The following CNTN5 variants were observed in gnomAD, a reference collection of about 807,000 sequenced individuals.
CNTN5 encodes contactin-5.
In CNTN5, 77 loss-of-function variants were observed where a neutral mutation model predicts 129.1. The observed-to-expected ratio is 0.60, with a 90% confidence interval of 0.50 to 0.72. The LOEUF (loss-of-function observed/expected upper bound fraction) is 0.72, where lower values mean the gene tolerates loss of function less well. CNTN5 is among the 30% of genes least tolerant of loss of function. The pLI, the probability that CNTN5 is intolerant of heterozygous loss-of-function variation, is 0.00. For missense variants in CNTN5, 1,478 were observed against 1,328.8 expected (o/e 1.11, Z -1.75); for synonymous variants, 509 against 465.6 (o/e 1.09, Z -1.20).
chr11:99,625,902 A>T lies in CNTN5; in HGVS notation c.55+69633A>T, dbSNP rs974034250. On this transcript the variant is annotated intron_variant, in intron 3 of 24. Transcript: ENST00000524871. ...ATGAGCTCATGATAAGGGCAAGATT[A>T]TATATATATATATATATATATACAC... Among the ~76,000 whole-genome samples, 547 of 142,948 alleles carry T rather than the reference A, an allele frequency of 3.8e-3. 2 individuals are homozygous for T. The highest frequency in any genetic ancestry group is 0.013 in the African/African-American group (500 of 37,798). 93.8% of individuals were successfully genotyped at this position (142,948 alleles called of 152,430 possible). A position where few individuals can be genotyped will look rare whatever the true frequency, so the allele number is the denominator to read the frequency against.
At chr11:99,814,496 T>C (rs1346341633) in intron 3 of CNTN5, among the ~76,000 whole-genome samples, 1 of 152,190 alleles carries the variant, frequency 6.6e-6, no homozygotes, top group Non-Finnish European at 1.5e-5. Context: ...CATTGAGTTC[T>C]TTCAGCATGA....
intron 21 of CNTN5, among the ~76,000 whole-genome samples, chr11:100,333,862 A>G (rs1024226591): frequency 6.6e-6 from 1 of 152,200 alleles, no homozygotes; most frequent in African/African-American, 2.4e-5. Flanking sequence ...ACCCTTCTAG[A>G]CATCAGCTTA....
chr11:99,537,795 C>T (rs986258535), intron 2 of CNTN5, among the ~76,000 whole-genome samples: 4 of 152,102 alleles, frequency 2.6e-5, no homozygotes, highest in Non-Finnish European at 2.9e-5. Flanking sequence ...CCCGTGGACA[C>T]GATGCTGCAG....
At chr11:99,335,112 A>T (rs1057390846) in intron 2 of CNTN5, among the ~76,000 whole-genome samples, 3 of 152,172 alleles carry the variant, frequency 2.0e-5, no homozygotes, top group African/African-American at 7.2e-5. Context: ...GCAATAGCAA[A>T]TATTCAGCAT....
intron 8 of CNTN5, among the ~76,000 whole-genome samples, chr11:99,985,762 C>T (rs2137383973): frequency 6.6e-6 from 1 of 152,172 alleles, no homozygotes; most frequent in Non-Finnish European, 1.5e-5. Context: ...TGTAATCATC[C>T]GTCTTTTAAT....
At chr11:100,031,783 G>A (rs57675206) in intron 9 of CNTN5, among the ~76,000 whole-genome samples, 2,040 of 152,262 alleles carry the variant, frequency 0.013, 61 homozygotes, top group African/African-American at 0.047. Context: ...TCTACATACA[G>A]GTGTTATGTG....
At chr11:100,174,357 T>C (rs1422143643) in intron 13 of CNTN5, among the ~76,000 whole-genome samples, 2 of 152,154 alleles carry the variant, frequency 1.3e-5, no homozygotes, top group African/African-American at 4.8e-5. Flanking sequence ...TTTCCTTCTC[T>C]GGGCATAGTA....
At chr11:99,055,703 A>T (rs1171088534) in intron 1 of CNTN5, among the ~76,000 whole-genome samples, 4 of 151,932 alleles carry the variant, frequency 2.6e-5, no homozygotes, top group Admixed American at 6.6e-5. Context: ...ATCATTTTAT[A>T]AAAAAAGTAC....
intron 1 of CNTN5, among the ~76,000 whole-genome samples, chr11:99,244,184 G>A (rs945897767): frequency 2.0e-5 from 3 of 151,882 alleles, no homozygotes; most frequent in Non-Finnish European, 4.4e-5. Context: ...CTTTCACCTT[G>A]GATAGATATA....
intron 2 of CNTN5, among the ~76,000 whole-genome samples, chr11:99,436,589 C>A (rs1234319984): frequency 1.3e-5 from 2 of 152,170 alleles, no homozygotes; most frequent in South Asian, 2.1e-4. Flanking sequence ...CAGACATCAT[C>A]TTGTTAGATT....
intron 3 of CNTN5, among the ~76,000 whole-genome samples, chr11:99,668,344 A>T (rs1952885607): frequency 6.6e-6 from 1 of 152,130 alleles, no homozygotes; most frequent in Non-Finnish European, 1.5e-5. Context: ...GGTCTGATTC[A>T]GACAGCAGCA....
intron 3 of CNTN5, among the ~76,000 whole-genome samples, chr11:99,637,398 A>C (rs1790264): frequency 0.6 from 91,375 of 151,958 alleles, 28,301 homozygotes; most frequent in Admixed American, 0.69. Flanking sequence ...TACTTGTATA[A>C]ATTGAATAAA....
chr11:100,161,451 A>G (rs1489470537), intron 13 of CNTN5, among the ~76,000 whole-genome samples: 11 of 152,050 alleles, frequency 7.2e-5, no homozygotes, highest in African/African-American at 2.6e-4. Context: ...TCATTCAAAT[A>G]TATTTTACTC....
intron 3 of CNTN5, among the ~76,000 whole-genome samples, chr11:99,788,695 A>G (rs1224235676): frequency 6.6e-6 from 1 of 151,926 alleles, no homozygotes; most frequent in Non-Finnish European, 1.5e-5. Flanking sequence ...AACACATATG[A>G]TAACCATCAC....
intron 21 of CNTN5, among the ~76,000 whole-genome samples, chr11:100,335,093 G>A (rs528191853): frequency 3.3e-5 from 5 of 152,012 alleles, no homozygotes; most frequent in African/African-American, 9.6e-5. Flanking sequence ...CTGCGCATGT[G>A]TAGTGGGCAG....
rs981886824 is a variant in CNTN5, at chr11:99,481,378, A to G, written c.-70-74767A>G. 2.0e-5 allele frequency among the ~76,000 whole-genome samples: 3 copies of G among 151,992 alleles called. No individual in the cohort carries two copies. The East Asian group carries it at 5.8e-4, about 29-fold the overall frequency. On this transcript the variant is annotated intron_variant, in intron 2 of 24. Coordinates refer to ENST00000524871, the MANE Select transcript of CNTN5 (RefSeq NM_014361.4). Reference sequence around the variant, plus strand: ...TACACAAAATATATTAGAGTGCTCTATTTTCTGAGCCTCTAATAATTTTGT... The same window carrying G: ...TACACAAAATATATTAGAGTGCTCTGTTTTCTGAGCCTCTAATAATTTTGT...
intron 13 of CNTN5, among the ~76,000 whole-genome samples, chr11:100,187,276 G>A (rs1481052312): frequency 6.6e-6 from 1 of 151,990 alleles, no homozygotes; most frequent in Non-Finnish European, 1.5e-5. Flanking sequence ...TCAGTTCCAG[G>A]AGTCATTTGG....
chr11:100,295,166 G>C (rs147221254), intron 18 of CNTN5, among the ~76,000 whole-genome samples: 329 of 151,674 alleles, frequency 2.2e-3, no homozygotes, highest in African/African-American at 7.7e-3. Context: ...ATTAAAATTG[G>C]AGGTAAGGTA....
chr11:99,048,741 T>G (rs1458642974), intron 1 of CNTN5, among the ~76,000 whole-genome samples: 2 of 152,126 alleles, frequency 1.3e-5, no homozygotes, highest in African/African-American at 4.8e-5. Flanking sequence ...TCTGTATTGT[T>G]TAGACAAGAA....
Sources: gnomAD v4.1 joint callset for allele counts (sites outside exome capture counted in the v4.1 genomes callset) on GRCh38, gnomAD v4.1.1 for gene constraint, MANE v1.5 for transcripts, NCBI Gene and HGNC (gene_info 2026-07-23, HGNC 2026-07-21) for gene names.